MIPOL1: variants seen among roughly 807,000 people sequenced by gnomAD.
The protein encoded by MIPOL1 is mirror-image polydactyly 1, also known as mirror-image polydactyly gene 1 protein.
A neutral mutation model predicts 60.9 loss-of-function variants in MIPOL1; 57 were observed. The observed-to-expected ratio is 0.94, with a 90% confidence interval of 0.76 to 1.17. The LOEUF (loss-of-function observed/expected upper bound fraction) is 1.17. Among genes scored for constraint, MIPOL1 ranks in the 50% most tolerant of loss-of-function variants. The probability of loss-of-function intolerance (pLI) is 0.00; values close to 1 mark genes in which losing one functional copy is unlikely to be tolerated. For synonymous variants in MIPOL1, 179 were observed against 168.8 expected, an observed-to-expected ratio of 1.06 and a Z score of -0.47; for missense variants, 551 against 511.6, an observed-to-expected ratio of 1.08 and a Z score of -0.74.
At chr14:37,311,919 C>G (rs2087363469) in intron 9 of MIPOL1, among the ~76,000 whole-genome samples, 1 of 152,112 alleles carries the variant, frequency 6.6e-6, no homozygotes. Context: ...CTTCTAGTCT[C>G]TGGTCTGTGA....
At chr14:37,311,721 C>T (rs2087347096) in intron 9 of MIPOL1, among the ~76,000 whole-genome samples, 1 of 152,038 alleles carries the variant, frequency 6.6e-6, no homozygotes, top group African/African-American at 2.4e-5. Flanking sequence ...ATATATTACC[C>T]AGTTTTGGTT....
At chr14:37,341,477 G>A (rs2090569288) in intron 9 of MIPOL1, among the ~76,000 whole-genome samples, 1 of 152,036 alleles carries the variant, frequency 6.6e-6, no homozygotes, top group Non-Finnish European at 1.5e-5. Flanking sequence ...GAAGGAACTG[G>A]GTTAAAAGGT....
chr14:37,415,385 G>A (rs1054284558), intron 10 of MIPOL1, among the ~76,000 whole-genome samples: 1 of 152,024 alleles, frequency 6.6e-6, no homozygotes, highest in African/African-American at 2.4e-5. Context: ...CACTTTGGGA[G>A]GCCGAGGCAG....
chr14:37,401,308 A>G (rs759213890), intron 10 of MIPOL1: 1 of 152,158 alleles, frequency 6.6e-6, no homozygotes, highest in Non-Finnish European at 1.5e-5. Flanking sequence ...TATCAAAATG[A>G]AAGTCCATAG....
At chr14:37,211,277 T>C (rs936838433) in intron 1 of MIPOL1, among the ~76,000 whole-genome samples, 11 of 138,932 alleles carry the variant, frequency 7.9e-5, no homozygotes, top group Non-Finnish European at 1.5e-4. Context: ...TGAGCACACA[T>C]AGTACCTGGT....
chr14:37,368,435 A>G (rs2092544788), intron 9 of MIPOL1, among the ~76,000 whole-genome samples: 1 of 152,078 alleles, frequency 6.6e-6, no homozygotes, highest in Admixed American at 6.6e-5. Flanking sequence ...AGTAGTAAGA[A>G]ATGTCATTTT....
intron 9 of MIPOL1, among the ~76,000 whole-genome samples, chr14:37,339,676 TCA>T (rs1229717556): frequency 1.3e-5 from 2 of 152,262 alleles, no homozygotes; most frequent in Admixed American, 1.3e-4. Flanking sequence ...TCACAGTCTC[TCA>T]CACACACAAA....
intron 9 of MIPOL1, among the ~76,000 whole-genome samples, chr14:37,350,865 T>G (rs945249379): frequency 2.6e-5 from 4 of 152,210 alleles, no homozygotes; most frequent in Non-Finnish European, 5.9e-5. Flanking sequence ...TCAGTTAACA[T>G]AATGATCTCC....
chr14:37,285,389 A>C lies in MIPOL1; in HGVS notation c.565A>C (p.Ile189Leu). 1.2e-6 allele frequency: 2 copies of C among 1,614,046 alleles called. No individual in the cohort carries two copies. The highest frequency in any genetic ancestry group is 1.7e-6 in the Non-Finnish European group (2 of 1,179,964). Residue 189 changes from isoleucine (I) to leucine (L), a missense_variant, in exon 7 of 13, where the codon ATT becomes CTT. Ile to Leu is a conservative substitution (Grantham distance 5, BLOSUM62 2). Coordinates refer to ENST00000684589, the MANE Select transcript of MIPOL1 (RefSeq NM_001388067.1). ...EAVMSRLQLAIEERDEAIARA... is the reference protein window; with the variant it reads ...EAVMSRLQLALEERDEAIARA... ...TGTTATGTCTAGACTGCAATTAGCC[A>C]TTGAGGAGAGAGATGAAGCAATTGC...
At chr14:37,510,932 G>T (rs2095323395) in intron 12 of MIPOL1, among the ~76,000 whole-genome samples, 1 of 151,994 alleles carries the variant, frequency 6.6e-6, no homozygotes, top group Admixed American at 6.6e-5. Flanking sequence ...ACTCTCCGAG[G>T]AGCTGGCAGT....
chr14:37,545,378 G>C (rs1403823068), intron 12 of MIPOL1, among the ~76,000 whole-genome samples: 1 of 152,172 alleles, frequency 6.6e-6, no homozygotes, highest in Non-Finnish European at 1.5e-5. Context: ...TATTCAGAGT[G>C]TGTAAGTTAG....
intron 1 of MIPOL1, among the ~76,000 whole-genome samples, chr14:37,216,167 A>C (rs890371028): frequency 6.6e-6 from 1 of 152,192 alleles, no homozygotes; most frequent in Non-Finnish European, 1.5e-5. Flanking sequence ...AGATTTCAAG[A>C]CAAAAACTAT....
chr14:37,345,909 T>C (rs1322659254), intron 9 of MIPOL1, among the ~76,000 whole-genome samples: 1 of 152,250 alleles, frequency 6.6e-6, no homozygotes, highest in African/African-American at 2.4e-5. Flanking sequence ...GAATCTTAGT[T>C]CTTCAGAATA....
At chr14:37,208,066 G>T (rs1243835705) in intron 1 of MIPOL1, among the ~76,000 whole-genome samples, 1 of 152,156 alleles carries the variant, frequency 6.6e-6, no homozygotes, top group African/African-American at 2.4e-5. Context: ...CTGTTGGCAT[G>T]AGCATCTCTG....
chr14:37,383,676 G>C (rs546917919), intron 10 of MIPOL1, among the ~76,000 whole-genome samples: 1 of 151,914 alleles, frequency 6.6e-6, no homozygotes. Context: ...GACCAAGAAA[G>C]AATTACCAAG....
At chr14:37,314,892 T>C (rs1179214541) in intron 9 of MIPOL1, among the ~76,000 whole-genome samples, 3 of 152,184 alleles carry the variant, frequency 2.0e-5, no homozygotes, top group Admixed American at 2.0e-4. Context: ...GAAATATTAT[T>C]CATTCATCCA....
At chr14:37,524,573 T>C (rs1480773419) in intron 12 of MIPOL1, among the ~76,000 whole-genome samples, 1 of 139,306 alleles carries the variant, frequency 7.2e-6, no homozygotes, top group African/African-American at 2.7e-5. Flanking sequence ...TTCTTTTCTT[T>C]TTTTTTTTTT....
chr14:37,224,979 A>G (rs1258783855), intron 1 of MIPOL1, among the ~76,000 whole-genome samples: 1 of 152,224 alleles, frequency 6.6e-6, no homozygotes, highest in Admixed American at 6.5e-5. Flanking sequence ...TACAGGCCCC[A>G]TGCAAGCCCA....
At chr14:37,331,704 C>T (rs2089703646) in intron 9 of MIPOL1, among the ~76,000 whole-genome samples, 1 of 151,844 alleles carries the variant, frequency 6.6e-6, no homozygotes, top group Non-Finnish European at 1.5e-5. Flanking sequence ...AAGATCATGT[C>T]ATCTGCAAAA....
Sources: gnomAD v4.1 joint callset for allele counts (sites outside exome capture counted in the v4.1 genomes callset) on GRCh38, gnomAD v4.1.1 for gene constraint, MANE v1.5 for transcripts, NCBI Gene and HGNC (gene_info 2026-07-23, HGNC 2026-07-21) for gene names.